RAI1: variants seen among roughly 807,000 people sequenced by gnomAD.
RAI1 encodes retinoic acid-induced protein 1.
A neutral mutation model predicts 123.8 loss-of-function variants in RAI1; 9 were observed. That is an observed-to-expected ratio of 0.07 (90% confidence interval 0.04 to 0.13). RAI1 has a LOEUF of 0.13. RAI1 is among the 10% of genes least tolerant of loss of function. The pLI, the probability that RAI1 is intolerant of heterozygous loss-of-function variation, is 1.00. For missense variants in RAI1, 2,256 were observed against 2,545.8 expected (o/e 0.89, Z 2.45); for synonymous variants, 1,231 against 1,127.3 (o/e 1.09, Z -1.84).
At chr17:17,768,310 A>C (rs968439611) in intron 2 of RAI1, among the ~76,000 whole-genome samples, 9 of 152,114 alleles carry the variant, frequency 5.9e-5, no homozygotes, top group African/African-American at 1.9e-4. Context: ...TGCTGTTGCT[A>C]TCTTGAGTTT....
At chr17:17,806,079 C>T (rs991628331) in intron 4 of RAI1, among the ~76,000 whole-genome samples, 2 of 152,218 alleles carry the variant, frequency 1.3e-5, no homozygotes, top group East Asian at 1.9e-4. Flanking sequence ...TTGAGTGGGA[C>T]GGACAGCAAA....
In RAI1 at chr17:17,810,801, C is replaced by G. The variant is rs1318734505; in HGVS notation, c.*820C>G. The G allele has an allele frequency of 2.2e-6, 1 of 454,904 alleles. No homozygotes were observed. Among genetic ancestry groups the G allele is most frequent in the African/African-American group, 2.0e-5 (1 of 50,172 alleles). The allele number at this position is 454,904 out of a possible 1,614,324, so 28.2% of individuals were successfully genotyped here. On this transcript the variant is annotated 3_prime_UTR_variant, in exon 6 of 6. Coordinates refer to ENST00000353383, the MANE Select transcript of RAI1 (RefSeq NM_030665.4). This position sits in a 1 kb window ranked among gnomAD's most constrained non-coding sequence, Gnocchi z 4.6. ...CCAAGAAGCGGCCAGAACGCACCTC[C>G]GGCTCCGGCGGACGCGCGACCGTTG... is the stretch of plus-strand genomic sequence containing the variant.
At chr17:17,765,041 T>A (rs1403728342) in intron 2 of RAI1, among the ~76,000 whole-genome samples, 2 of 152,250 alleles carry the variant, frequency 1.3e-5, no homozygotes, top group African/African-American at 4.8e-5. Context: ...TCGGAGGATC[T>A]TCGGTGGCTT....
chr17:17,808,414 A>ATTATT lies in RAI1; in HGVS notation c.5660-934_5660-930dup, dbSNP rs71155304. Among the ~76,000 whole-genome samples the ATTATT allele has an allele frequency of 4.7e-3, 592 of 125,880 alleles. 2 individuals carry two copies. The highest frequency in any genetic ancestry group is 8.6e-3 in the African/African-American group (265 of 30,956). 82.6% of individuals were successfully genotyped at this position (125,880 alleles called of 152,430 possible). A position where few individuals can be genotyped will look rare whatever the true frequency, so the allele number is the denominator to read the frequency against. ...ATTTTATTTTATTTTATTTTATTTTATTATTTTATTTTATTTTATTTTATT... is the reference window on the plus strand; with the variant it reads ...ATTTTATTTTATTTTATTTTATTTTATTATTTTATTTTATTTTATTTTATTTTATT... On this transcript the variant is annotated intron_variant, in intron 4 of 5. Transcript: ENST00000353383.
intron 1 of RAI1, among the ~76,000 whole-genome samples, chr17:17,710,590 GC>G (rs1915536984): frequency 6.6e-6 from 1 of 152,200 alleles, no homozygotes; most frequent in African/African-American, 2.4e-5. Context: ...CCCTGGGGAG[GC>G]CCTGCTGGCC....
In RAI1 at chr17:17,810,293, C is replaced by T; in HGVS notation, c.*312C>T. ...GAGCGGCCAGACTCCCCGGGGCGCT[C>T]AGCCTCCGGCGAGGGTGGGAGACGG... On this transcript the variant is annotated 3_prime_UTR_variant, in exon 6 of 6. Coordinates refer to ENST00000353383, the MANE Select transcript of RAI1 (RefSeq NM_030665.4). The surrounding 1 kb of genome is among the most constrained non-coding windows in gnomAD (Gnocchi z 4.6). The T allele has an allele frequency of 2.2e-6, 1 of 455,662 alleles. No homozygotes were observed. The highest frequency in any genetic ancestry group is 3.9e-6 in the Non-Finnish European group (1 of 258,420). 28.2% of individuals were successfully genotyped at this position (455,662 alleles called of 1,614,324 possible). A position where few individuals can be genotyped will look rare whatever the true frequency, so the allele number is the denominator to read the frequency against.
intron 1 of RAI1, among the ~76,000 whole-genome samples, chr17:17,682,230 A>C (rs1389716553): frequency 6.6e-6 from 1 of 151,522 alleles, no homozygotes; most frequent in Non-Finnish European, 1.5e-5. Context: ...GGGGACGGGG[A>C]GCTGACTTCC....
chr17:17,746,275 G>A (rs1162341931), intron 2 of RAI1, among the ~76,000 whole-genome samples: 1 of 152,250 alleles, frequency 6.6e-6, no homozygotes, highest in Non-Finnish European at 1.5e-5. Context: ...TTGTCACAAA[G>A]GGAGGCAGGG....
chr17:17,783,097 G>A (rs911328399), intron 2 of RAI1, among the ~76,000 whole-genome samples: 77 of 103,230 alleles, frequency 7.5e-4, no homozygotes, highest in African/African-American at 2.8e-3. Flanking sequence ...CGGTCCCCGC[G>A]CAGGCGAGAG....
intron 2 of RAI1, among the ~76,000 whole-genome samples, chr17:17,726,056 C>G (rs1194439293): frequency 2.0e-5 from 3 of 152,158 alleles, no homozygotes; most frequent in Non-Finnish European, 2.9e-5. Context: ...CCTTCAAAGC[C>G]CAACAGGACT....
At chr17:17,778,657 A>G (rs1206092274) in intron 2 of RAI1, 1 of 449,136 alleles carries the variant, frequency 2.2e-6, no homozygotes, top group Non-Finnish European at 4.5e-6. Flanking sequence ...ATGAGCCCTC[A>G]CAGTTCATTG....
At chr17:17,689,205 G>A (rs1281657161) in intron 1 of RAI1, among the ~76,000 whole-genome samples, 1 of 152,052 alleles carries the variant, frequency 6.6e-6, no homozygotes, top group Non-Finnish European at 1.5e-5. Flanking sequence ...TGATCCACCC[G>A]CCTCAGCCTC....
chr17:17,762,119 C>A (rs1266686408), intron 2 of RAI1, among the ~76,000 whole-genome samples: 1 of 152,164 alleles, frequency 6.6e-6, no homozygotes, highest in Admixed American at 6.5e-5. Context: ...CAGATGGACT[C>A]TGCCCTCACG....
intron 2 of RAI1, among the ~76,000 whole-genome samples, chr17:17,767,950 G>A (rs570949492): frequency 1.3e-5 from 2 of 152,292 alleles, no homozygotes; most frequent in South Asian, 2.1e-4. Flanking sequence ...GTGATCCTGG[G>A]CAAATGACTT....
chr17:17,764,081 G>A (rs1021144774), intron 2 of RAI1, among the ~76,000 whole-genome samples: 10 of 152,226 alleles, frequency 6.6e-5, no homozygotes, highest in Admixed American at 5.9e-4. Flanking sequence ...CTAGTGACAC[G>A]CTTGCTGCCT....
chr17:17,745,765 C>T (rs1443738795), intron 2 of RAI1, among the ~76,000 whole-genome samples: 6 of 152,182 alleles, frequency 3.9e-5, no homozygotes, highest in Non-Finnish European at 8.8e-5. Context: ...CTTTCTCCAG[C>T]AGAGCTTACA....
intron 2 of RAI1, among the ~76,000 whole-genome samples, 152 bp from the exon 3 acceptor site, chr17:17,792,781 C>T (rs1261827883): frequency 1.1e-4 from 2 of 18,422 alleles, no homozygotes; most frequent in Non-Finnish European, 2.0e-4. Context: ...AAGAGCTGCG[C>T]GGGGGAGCAG....
intron 1 of RAI1, among the ~76,000 whole-genome samples, chr17:17,697,688 G>T (rs1020543189): frequency 7.9e-5 from 12 of 152,216 alleles, no homozygotes; most frequent in African/African-American, 2.9e-4. Flanking sequence ...TAAAAAGTGA[G>T]TTGGGGTTTG....
intron 2 of RAI1, among the ~76,000 whole-genome samples, chr17:17,734,780 A>T (rs1916375168): frequency 6.6e-6 from 1 of 152,206 alleles, no homozygotes; most frequent in Non-Finnish European, 1.5e-5. Flanking sequence ...AGGGGCACAT[A>T]TCTGTGCTTG....
Sources: gnomAD v4.1 joint callset for allele counts (sites outside exome capture counted in the v4.1 genomes callset) on GRCh38, gnomAD v4.1.1 for gene constraint, Gnocchi (gnomAD v3.1) non-coding constraint, MANE v1.5 for transcripts, NCBI Gene and HGNC (gene_info 2026-07-23, HGNC 2026-07-21) for gene names.